ZNF385D: variants seen among roughly 807,000 people sequenced by gnomAD.
ZNF385D encodes the protein zinc finger protein 659.
A neutral mutation model predicts 35.8 loss-of-function variants in ZNF385D; 15 were observed. That is an observed-to-expected ratio of 0.42 (90% CI 0.28 to 0.64). The LOEUF (loss-of-function observed/expected upper bound fraction) is 0.64, where lower values mean the gene tolerates loss of function less well. ZNF385D is among the 30% of genes least tolerant of loss of function. ZNF385D has a pLI of 0.23. For synonymous variants in ZNF385D, 212 were observed against 186.8 expected, an observed-to-expected ratio of 1.13 and a Z score of -1.10; for missense variants, 474 against 494.6, an observed-to-expected ratio of 0.96 and a Z score of 0.39.
chr3:22,028,730 G>T (rs981254178), intron 3 of ZNF385D, among the ~76,000 whole-genome samples: 1 of 152,140 alleles, frequency 6.6e-6, no homozygotes. Context: ...TCACTTTATG[G>T]CTAAAGAAGT....
At chr3:22,124,237 T>C (rs931487191) in intron 3 of ZNF385D, among the ~76,000 whole-genome samples, 2 of 152,100 alleles carry the variant, frequency 1.3e-5, no homozygotes, top group Non-Finnish European at 2.9e-5. Flanking sequence ...GCTTCATCCA[T>C]GCTGTTGCAA....
At chr3:21,560,067 T>G (rs1407755131) in intron 3 of ZNF385D, among the ~76,000 whole-genome samples, 2 of 152,212 alleles carry the variant, frequency 1.3e-5, no homozygotes, top group Non-Finnish European at 2.9e-5. Flanking sequence ...CTAATGTTTT[T>G]TCAAGGTTCT....
At chr3:21,804,840 C>T (rs1423846999) in intron 3 of ZNF385D, among the ~76,000 whole-genome samples, 1 of 137,256 alleles carries the variant, frequency 7.3e-6, no homozygotes, top group East Asian at 2.2e-4. Context: ...GTTGTTTCTA[C>T]TGTTTTCCCT....
chr3:22,325,764 A>G (rs2125451931), intron 2 of ZNF385D, among the ~76,000 whole-genome samples: 1 of 152,300 alleles, frequency 6.6e-6, no homozygotes, highest in East Asian at 1.9e-4. Flanking sequence ...TCTCAAAAAA[A>G]CAAAAAACAA....
intron 3 of ZNF385D, among the ~76,000 whole-genome samples, chr3:21,765,529 C>T (rs2070789271): frequency 6.6e-6 from 1 of 151,842 alleles, no homozygotes; most frequent in Non-Finnish European, 1.5e-5. Context: ...TTCTCAAAAA[C>T]ATAAACTAAG....
intron 3 of ZNF385D, among the ~76,000 whole-genome samples, chr3:21,882,539 A>G (rs1290402273): frequency 6.6e-6 from 1 of 151,936 alleles, no homozygotes; most frequent in Non-Finnish European, 1.5e-5. Context: ...CTTTATTGTG[A>G]TATTTGTTTT....
In ZNF385D at chr3:21,785,801, T is replaced by C. The variant is rs555076502; in HGVS notation, c.326-120773A>G. ...AAATTTGAAGGTAAATAGGACACTT[T>C]TGTTTCATGACCCATGGAGAAATAT... is the stretch of plus-strand genomic sequence containing the variant. On this transcript the variant is annotated intron_variant, in intron 3 of 5. Coordinates refer to the ZNF385D transcript ENST00000494108. Among the ~76,000 whole-genome samples the C allele has an allele frequency of 5.9e-5, 9 of 152,350 alleles. No individual in the cohort carries two copies. In the East Asian group the frequency reaches 1.2e-3, roughly 20 times the overall value.
rs1553628044 is a variant in ZNF385D, at chr3:21,421,023, G to GA, written c.*190dup. 1 of 488,456 alleles carries GA rather than the reference G, an allele frequency of 2.0e-6. No homozygotes were observed. The highest frequency in any genetic ancestry group is 3.7e-6 in the Non-Finnish European group (1 of 273,436). The allele number at this position is 488,456 out of a possible 1,614,324, so 30.3% of individuals were successfully genotyped here. A position where few individuals can be genotyped will look rare whatever the true frequency, so the allele number is the denominator to read the frequency against. ...TTCAAGAGGAATGCTTTAATTTGGA[G>GA]AAAATACCACTCCCTCCCTCCCACC... is the stretch of plus-strand genomic sequence containing the variant. On this transcript the variant is annotated 3_prime_UTR_variant, in exon 8 of 8. Transcript: ENST00000281523.
chr3:21,941,618 C>A (rs967561249), intron 3 of ZNF385D, among the ~76,000 whole-genome samples: 4 of 151,786 alleles, frequency 2.6e-5, no homozygotes, highest in African/African-American at 9.7e-5. Context: ...CTGCCTCAGC[C>A]TCCCGAGTAA....
intron 3 of ZNF385D, among the ~76,000 whole-genome samples, chr3:21,849,186 A>C (rs1193408349): frequency 1.3e-5 from 2 of 152,080 alleles, no homozygotes; most frequent in Non-Finnish European, 2.9e-5. Context: ...TACATATTAT[A>C]AGTCTTGAAA....
At chr3:22,166,295 T>C (rs1706324764) in intron 3 of ZNF385D, among the ~76,000 whole-genome samples, 1 of 152,182 alleles carries the variant, frequency 6.6e-6, no homozygotes, top group Non-Finnish European at 1.5e-5. Flanking sequence ...GCAACAAATA[T>C]TTTGTTGAAT....
chr3:22,081,943 C>T lies in ZNF385D; in HGVS notation c.325+86874G>A, dbSNP rs1050303435. 2.6e-5 allele frequency among the ~76,000 whole-genome samples: 4 copies of T among 151,692 alleles called. No homozygotes were observed. In the South Asian group the frequency reaches 8.3e-4, roughly 32 times the overall value. On this transcript the variant is annotated intron_variant, in intron 3 of 5. Coordinates refer to the ZNF385D transcript ENST00000494108. ...CTCTTAAAGCTATTGCTTCCCTCTC[C>T]CCTAGTAGTTCTAAAGGCAGTTACT... is the stretch of plus-strand genomic sequence containing the variant.
intron 3 of ZNF385D, among the ~76,000 whole-genome samples, chr3:21,791,011 C>A (rs1166157966): frequency 2.0e-5 from 3 of 152,186 alleles, no homozygotes; most frequent in Admixed American, 2.0e-4. Flanking sequence ...ACTAGTGGCA[C>A]TTGAACCAAG....
intron 3 of ZNF385D, among the ~76,000 whole-genome samples, chr3:21,876,226 A>G (rs989803046): frequency 5.3e-5 from 8 of 151,806 alleles, no homozygotes; most frequent in African/African-American, 1.5e-4. Flanking sequence ...TTCAAAACAC[A>G]TATCTTGTAA....
chr3:21,845,754 G>A (rs779031185), intron 3 of ZNF385D, among the ~76,000 whole-genome samples: 1 of 151,914 alleles, frequency 6.6e-6, no homozygotes, highest in African/African-American at 2.4e-5. Context: ...CTAGAAATGC[G>A]ATTTTCGTGG....
chr3:21,492,942 T>G (rs1705546321), intron 4 of ZNF385D, among the ~76,000 whole-genome samples: 1 of 152,080 alleles, frequency 6.6e-6, no homozygotes, highest in African/African-American at 2.4e-5. Context: ...CCAATGGGTT[T>G]CATACCATGA....
At chr3:22,000,817 A>G (rs151107486) in intron 3 of ZNF385D, among the ~76,000 whole-genome samples, 64 of 152,214 alleles carry the variant, frequency 4.2e-4, no homozygotes, top group African/African-American at 1.5e-3. Flanking sequence ...TAACCTTGAA[A>G]AATTAAAAAT....
chr3:22,178,029 C>G (rs546367470), intron 2 of ZNF385D, among the ~76,000 whole-genome samples: 471 of 152,242 alleles, frequency 3.1e-3, no homozygotes, highest in African/African-American at 0.011. Context: ...ATTGTGAATA[C>G]TGCCGCATTA....
chr3:21,519,756 A>G (rs561587134), intron 3 of ZNF385D, among the ~76,000 whole-genome samples: 5 of 152,316 alleles, frequency 3.3e-5, no homozygotes, highest in Non-Finnish European at 7.3e-5. Context: ...ACTGAGAAAA[A>G]TCAGAGAAAC....
Sources: allele counts gnomAD v4.1 joint callset (sites outside exome capture counted in the v4.1 genomes callset), GRCh38; gene constraint gnomAD v4.1.1; transcripts MANE v1.5; gene names NCBI Gene and HGNC (gene_info 2026-07-23, HGNC 2026-07-21).